Variants in PHC3 observed in about 807,000 individuals in gnomAD.
PHC3 encodes the protein polyhomeotic-like protein 3.
PHC3 carries 13 observed loss-of-function variants against 107.4 expected under a neutral mutation model. That is an observed-to-expected ratio of 0.12 (90% CI 0.08 to 0.19). PHC3 has a LOEUF of 0.19. PHC3 is among the 10% of genes least tolerant of loss of function. The pLI, the probability that PHC3 is intolerant of heterozygous loss-of-function variation, is 1.00. For synonymous variants in PHC3, 456 were observed against 427.4 expected (o/e 1.07, Z -0.83); for missense variants, 992 against 1,210.9 (o/e 0.82, Z 2.68).
intron 9 of PHC3, 31 bp from the exon 10 acceptor site, chr3:170,117,507 A>C: frequency 6.3e-7 from 1 of 1,580,120 alleles, no homozygotes; most frequent in Admixed American, 1.9e-5. Context: ...TCATTTAAAA[A>C]TTTTTTTAGC....
intron 7 of PHC3, among the ~76,000 whole-genome samples, chr3:170,135,444 C>G (rs1200957947): frequency 6.9e-6 from 1 of 145,588 alleles, no homozygotes; most frequent in East Asian, 2.2e-4. Context: ...AGCCACTGCA[C>G]CCGCCCAGAT....
intron 7 of PHC3, 93 bp downstream of exon 7, chr3:170,136,326 T>A (rs1560076706): frequency 7.0e-7 from 1 of 1,427,074 alleles, no homozygotes; most frequent in East Asian, 2.3e-5. Flanking sequence ...TTTAAAGGTG[T>A]CACTCCTGTT....
Position 170,129,327 on chromosome 3 carries a change from T to C in PHC3, c.1145A>G (p.Gln382Arg), listed in dbSNP as rs1225665048. Residue 382 changes from glutamine (Q) to arginine (R), a missense_variant, in exon 8 of 15, where the codon CAG becomes CGG. Gln to Arg is a conservative substitution (Grantham distance 43, BLOSUM62 1). Coordinates refer to ENST00000495893, the MANE Select transcript of PHC3 (RefSeq NM_024947.4). ...ATGACTCTGAATCGGTGAACAATGC[T>C]GTGACTGGGCATTACTGGGAGCTGG... ...LPPAPSNAQS[Q>R]HCSPIQSHPS... 5.0e-6 allele frequency: 8 copies of C among 1,613,800 alleles called. No individual in the cohort carries two copies. Among genetic ancestry groups the C allele is most frequent in the Admixed American group, 1.7e-5 (1 of 59,984 alleles).
intron 4 of PHC3, chr3:170,171,115 C>T (rs1182304493): frequency 2.0e-6 from 1 of 490,252 alleles, no homozygotes; most frequent in Non-Finnish European, 3.5e-6. Flanking sequence ...AAAGCTGAAA[C>T]CACATAAGAT....
chr3:170,133,318 A>G (rs1722555163), intron 7 of PHC3, among the ~76,000 whole-genome samples: 1 of 151,882 alleles, frequency 6.6e-6, no homozygotes, highest in African/African-American at 2.4e-5. Context: ...AGCTGGAATT[A>G]CAAGAGCGCG....
At chr3:170,129,850 C>A in intron 7 of PHC3, among the ~76,000 whole-genome samples, 1 of 152,124 alleles carries the variant, frequency 6.6e-6, no homozygotes, top group East Asian at 1.9e-4. Flanking sequence ...CAGGTGCCCG[C>A]TACCACACCC....
chr3:170,164,986 C>A (rs571278470), intron 4 of PHC3, among the ~76,000 whole-genome samples: 11 of 152,308 alleles, frequency 7.2e-5, no homozygotes. Flanking sequence ...GAGAACAGGA[C>A]TTTCATACTA....
intron 4 of PHC3, among the ~76,000 whole-genome samples, chr3:170,166,687 C>T (rs1487553889): frequency 6.6e-6 from 1 of 151,878 alleles, no homozygotes; most frequent in Non-Finnish European, 1.5e-5. Flanking sequence ...TTTTTTGAAA[C>T]AGGGCCTCAT....
chr3:170,171,364 G>A lies in PHC3; in HGVS notation c.414+9C>T. On this transcript the variant is annotated intron_variant, in intron 4 of 14. Coordinates refer to ENST00000495893, the MANE Select transcript of PHC3 (RefSeq NM_024947.4). Reference sequence around the variant, plus strand: ...TTAAATCCAGGAAAAAAAAATTTAGGGAACTTACAGACGTTTGGGACATAC... The same window carrying A: ...TTAAATCCAGGAAAAAAAAATTTAGAGAACTTACAGACGTTTGGGACATAC... 2 of 1,575,784 alleles carry A rather than the reference G, an allele frequency of 1.3e-6. No individual in the cohort carries two copies. The highest frequency in any genetic ancestry group is 1.4e-5 in the African/African-American group (1 of 73,486).
intron 12 of PHC3, among the ~76,000 whole-genome samples, chr3:170,105,184 G>C (rs554859568): frequency 6.6e-6 from 1 of 152,298 alleles, no homozygotes; most frequent in Non-Finnish European, 1.5e-5. Flanking sequence ...TATTCTGAAA[G>C]GGAGTCCTTT....
At chr3:170,132,574 C>T (rs1485828332) in intron 7 of PHC3, among the ~76,000 whole-genome samples, 1 of 152,216 alleles carries the variant, frequency 6.6e-6, no homozygotes, top group Non-Finnish European at 1.5e-5. Flanking sequence ...TCTGCTCCCT[C>T]CACCCACCAC....
rs899131976 is a variant in PHC3 at position 170,094,394 on chromosome 3, G to C, written c.*2836C>G. 2.0e-5 allele frequency: 3 copies of C among 152,162 alleles called. No individual in the cohort carries two copies. Among genetic ancestry groups the C allele is most frequent in the Non-Finnish European group, 2.9e-5 (2 of 68,030 alleles). The allele number at this position is 152,162 out of a possible 1,614,324, so 9.4% of individuals were successfully genotyped here. On this transcript the variant is annotated 3_prime_UTR_variant, in exon 15 of 15. Transcript: ENST00000495893. ...GGGACAAAGAGTGCAACACTGCAAG[G>C]AAGTCAGAAAATGCAAACTTAGGTA... is the stretch of plus-strand genomic sequence containing the variant.
chr3:170,156,975 G>A (rs1216779867), intron 4 of PHC3, among the ~76,000 whole-genome samples: 3 of 152,106 alleles, frequency 2.0e-5, no homozygotes, highest in African/African-American at 7.2e-5. Context: ...TCTACTTTCT[G>A]CAATACAAGC....
In PHC3 at chr3:170,134,544, G is replaced by A. The variant is rs370551074; in HGVS notation, c.919+1875C>T. On this transcript the variant is annotated intron_variant, in intron 7 of 14. Coordinates refer to ENST00000495893, the MANE Select transcript of PHC3 (RefSeq NM_024947.4). ...TCAAAGCCTACTTACATAAGATTCA[G>A]ATTTAACAATTCTAAGTATAGTGAT... is the stretch of plus-strand genomic sequence containing the variant. Among the ~76,000 whole-genome samples, 19 of 152,020 alleles carry A rather than the reference G, an allele frequency of 1.2e-4. No homozygotes were observed. The East Asian group carries it at 3.5e-3, about 28-fold the overall frequency.
At chr3:170,153,766 A>T (rs1348988400) in intron 4 of PHC3, among the ~76,000 whole-genome samples, 1 of 151,464 alleles carries the variant, frequency 6.6e-6, no homozygotes, top group African/African-American at 2.4e-5. Flanking sequence ...CCGTCTCAAA[A>T]AAAAAAAAAA....
Position 170,144,204 on chromosome 3 carries a change from A to G in PHC3, c.672+1219T>C, listed in dbSNP as rs150090015. 5.3e-5 allele frequency among the ~76,000 whole-genome samples: 8 copies of G among 151,498 alleles called. No homozygotes were observed. The East Asian group carries it at 1.5e-3, about 29-fold the overall frequency. On this transcript the variant is annotated intron_variant, in intron 6 of 14. Transcript: ENST00000495893. ...AAAAGAAAAAAAATTAGCCAGGCGT[A>G]GTAGTGCGTGCCTGTAATCCCAGCT...
At chr3:170,153,043 T>G (rs1726279484) in intron 4 of PHC3, among the ~76,000 whole-genome samples, 3 of 152,214 alleles carry the variant, frequency 2.0e-5, no homozygotes, top group African/African-American at 7.2e-5. Context: ...TCTTGATTCT[T>G]AACTATAAAC....
intron 4 of PHC3, among the ~76,000 whole-genome samples, chr3:170,163,454 AG>A (rs1334884965): frequency 8.4e-6 from 1 of 118,834 alleles, no homozygotes; most frequent in East Asian, 2.3e-4. Flanking sequence ...CCAAATATTT[AG>A]TAAAGAGTGT....
At chr3:170,103,448 G>A (rs1044518544) in intron 12 of PHC3, among the ~76,000 whole-genome samples, 1 of 152,114 alleles carries the variant, frequency 6.6e-6, no homozygotes, top group African/African-American at 2.4e-5. Context: ...AATGTAAAGT[G>A]GAGATTTTAA....
Sources: allele counts gnomAD v4.1 joint callset (sites outside exome capture counted in the v4.1 genomes callset), GRCh38; gene constraint gnomAD v4.1.1; transcripts MANE v1.5; gene names NCBI Gene and HGNC (gene_info 2026-07-23, HGNC 2026-07-21).